The following MCU variants were observed in gnomAD, a reference collection of about 807,000 sequenced individuals.
MCU encodes mitochondrial calcium uniporter, also known as calcium uniporter protein, mitochondrial.
MCU carries 12 observed loss-of-function variants against 45.2 expected under a neutral mutation model. The ratio of observed to expected loss-of-function variants is 0.27; its 90% CI spans 0.17 to 0.43. The LOEUF (loss-of-function observed/expected upper bound fraction) is 0.43. Ranked by LOEUF, MCU falls within the 20% of genes least tolerant of loss-of-function variation. The pLI, the probability that MCU is intolerant of heterozygous loss-of-function variation, is 1.00. For synonymous variants in MCU, 160 were observed against 165.1 expected, an observed-to-expected ratio of 0.97 and a Z score of 0.24; for missense variants, 324 against 436.7, an observed-to-expected ratio of 0.74 and a Z score of 2.30.
intron 1 of MCU, among the ~76,000 whole-genome samples, chr10:72,761,047 A>G (rs533953475): frequency 1.3e-4 from 20 of 152,304 alleles, no homozygotes; most frequent in Admixed American, 1.3e-3. Flanking sequence ...GCCACCGTAG[A>G]ATGTTATAAG....
At chr10:72,746,885 A>G (rs1041830196) in intron 1 of MCU, among the ~76,000 whole-genome samples, 3 of 152,190 alleles carry the variant, frequency 2.0e-5, no homozygotes, top group Admixed American at 6.5e-5. Flanking sequence ...AGTTTGGTAA[A>G]CACTTAGTGG....
At chr10:72,740,115 C>G (rs1026405788) in intron 1 of MCU, among the ~76,000 whole-genome samples, 2 of 152,056 alleles carry the variant, frequency 1.3e-5, no homozygotes, top group Non-Finnish European at 2.9e-5. Context: ...GGCACGGTGG[C>G]TCACGCCTGT....
chr10:72,705,124 A>G (rs377323706), intron 1 of MCU, among the ~76,000 whole-genome samples: 3 of 152,006 alleles, frequency 2.0e-5, no homozygotes, highest in African/African-American at 7.2e-5. Context: ...TGGCCTCCCA[A>G]AGTGCTGGGA....
At chr10:72,692,570 C>T (rs1327994047) in intron 1 of MCU, 49 of 1,093,082 alleles carry the variant, frequency 4.5e-5, no homozygotes, top group Non-Finnish European at 5.1e-5. Flanking sequence ...GGGGAAGGCA[C>T]GGGACTTGAA....
At chr10:72,816,170 C>A (rs967000464) in intron 1 of MCU, among the ~76,000 whole-genome samples, 1 of 151,794 alleles carries the variant, frequency 6.6e-6, no homozygotes, top group African/African-American at 2.4e-5. Flanking sequence ...GACTCCATCT[C>A]AAAAAAATAA....
At chr10:72,703,452 T>A (rs1349537368) in intron 1 of MCU, among the ~76,000 whole-genome samples, 2 of 152,210 alleles carry the variant, frequency 1.3e-5, no homozygotes, top group African/African-American at 4.8e-5. Flanking sequence ...TTAACCACTG[T>A]TTCTGTGGTG....
intron 6 of MCU, among the ~76,000 whole-genome samples, chr10:72,873,253 C>T (rs891963224): frequency 3.3e-5 from 5 of 151,820 alleles, no homozygotes; most frequent in African/African-American, 9.7e-5. Flanking sequence ...CTCCTGACCT[C>T]GTGATCCACC....
At chr10:72,803,819 G>T (rs370084472) in intron 1 of MCU, among the ~76,000 whole-genome samples, 7 of 150,646 alleles carry the variant, frequency 4.6e-5, no homozygotes, top group African/African-American at 1.5e-4. Context: ...ACATGTAAGG[G>T]TAGCCACAAT....
intron 1 of MCU, among the ~76,000 whole-genome samples, chr10:72,696,655 TGATGTGTA>T (rs1467874315): frequency 1.3e-5 from 2 of 152,192 alleles, no homozygotes; most frequent in Non-Finnish European, 2.9e-5. Flanking sequence ...GATAAAGCAA[TGATGTGTA>T]TCTTATTACC....
intron 1 of MCU, among the ~76,000 whole-genome samples, chr10:72,715,698 A>C (rs576041376): frequency 3.3e-5 from 5 of 152,218 alleles, no homozygotes; most frequent in Admixed American, 6.5e-5. Flanking sequence ...GGTTGAGGTT[A>C]ATCAGGTATG....
At chr10:72,820,808 G>A (rs1361462640) in intron 1 of MCU, among the ~76,000 whole-genome samples, 2 of 152,154 alleles carry the variant, frequency 1.3e-5, no homozygotes, top group East Asian at 1.9e-4. Flanking sequence ...CACCACGCCC[G>A]GCCTGGTTAG....
At chr10:72,717,127 C>CTT (rs71021527) in intron 1 of MCU, among the ~76,000 whole-genome samples, 2 of 138,408 alleles carry the variant, frequency 1.4e-5, no homozygotes, top group Non-Finnish European at 1.6e-5. Flanking sequence ...CTCTCTCTCT[C>CTT]TTTTTTTTTT....
intron 1 of MCU, among the ~76,000 whole-genome samples, chr10:72,819,941 T>A (rs1350160839): frequency 6.6e-6 from 1 of 152,086 alleles, no homozygotes; most frequent in Non-Finnish European, 1.5e-5. Flanking sequence ...GAAAATTGTA[T>A]TTTTTTCTGC....
intron 1 of MCU, among the ~76,000 whole-genome samples, chr10:72,718,107 A>G (rs1337373708): frequency 1.3e-5 from 2 of 152,098 alleles, no homozygotes; most frequent in Middle Eastern, 3.2e-3. Flanking sequence ...GGATTAAAGG[A>G]ATTTTTATTA....
At chr10:72,832,174 G>A in intron 1 of MCU, among the ~76,000 whole-genome samples, 1 of 152,072 alleles carries the variant, frequency 6.6e-6, no homozygotes. Context: ...GGCTCAAGCA[G>A]TCCTCTCACT....
chr10:72,770,189 T>C (rs1843784522), intron 1 of MCU, among the ~76,000 whole-genome samples: 2 of 152,202 alleles, frequency 1.3e-5, no homozygotes, highest in African/African-American at 4.8e-5. Context: ...CCTTTTAAAT[T>C]TATTGAGGCT....
chr10:72,777,961 T>A (rs938677110), intron 1 of MCU, among the ~76,000 whole-genome samples: 9 of 152,100 alleles, frequency 5.9e-5, no homozygotes, highest in African/African-American at 2.2e-4. Flanking sequence ...GAAATGCAAA[T>A]CAAAACCACA....
chr10:72,776,439 A>G (rs1843895461), intron 1 of MCU, among the ~76,000 whole-genome samples: 2 of 152,226 alleles, frequency 1.3e-5, no homozygotes, highest in South Asian at 4.1e-4. Flanking sequence ...TAAACATGAT[A>G]TATCACATTA....
At chr10:72,780,265 G>A (rs867182172) in intron 1 of MCU, among the ~76,000 whole-genome samples, 1 of 152,256 alleles carries the variant, frequency 6.6e-6, no homozygotes, top group South Asian at 2.1e-4. Flanking sequence ...CTGGGTAGAG[G>A]ATAATGGGGA....
Sources: gnomAD v4.1 joint callset for allele counts (sites outside exome capture counted in the v4.1 genomes callset) on GRCh38, gnomAD v4.1.1 for gene constraint, MANE v1.5 for transcripts, NCBI Gene and HGNC (gene_info 2026-07-23, HGNC 2026-07-21) for gene names.